The following PIGN variants were observed in gnomAD, a reference collection of about 807,000 sequenced individuals.
PIGN encodes phosphatidylinositol glycan anchor biosynthesis class N.
In PIGN, 117 loss-of-function variants were observed where a neutral mutation model predicts 125.4. The observed-to-expected ratio is 0.93, with a 90% CI of 0.80 to 1.09. PIGN has a LOEUF of 1.09. Among genes scored for constraint, PIGN ranks in the 50% least tolerant of loss-of-function variants. The probability of loss-of-function intolerance (pLI) is 0.00; values close to 1 mark genes in which losing one functional copy is unlikely to be tolerated. For synonymous variants in PIGN, 392 were observed against 377.8 expected, an observed-to-expected ratio of 1.04 and a Z score of -0.44; for missense variants, 1,075 against 1,094.9, an observed-to-expected ratio of 0.98 and a Z score of 0.26.
intron 28 of PIGN, chr18:62,075,089 T>G (rs561512601): frequency 3.5e-6 from 1 of 283,920 alleles, no homozygotes; most frequent in African/African-American, 2.2e-5. Flanking sequence ...ACTAAACTTT[T>G]GAGGTAATTG....
At chr18:62,090,439 G>T in intron 24 of PIGN, 37 bp downstream of exon 24, 1 of 1,212,120 alleles carries the variant, frequency 8.3e-7, no homozygotes, top group Non-Finnish European at 1.2e-6. Context: ...GAGACTAATA[G>T]TCTCAAATAA....
At position 62,062,882 on chromosome 18, in the gene PIGN, C is replaced by CTTTTTTT. The variant is rs71160811; in HGVS notation, c.2672+9784_2672+9790dup. On this transcript the variant is annotated intron_variant, in intron 30 of 30. Transcript: ENST00000640252. ...ATTTGTTTTATGCTTTTGTATTCTGCTTTTTTTTTTTTTTTTTTTTTTTTT... is the reference window on the plus strand; with the variant it reads ...ATTTGTTTTATGCTTTTGTATTCTGCTTTTTTTTTTTTTTTTTTTTTTTTTTTTTTTT... 5.2e-4 allele frequency among the ~76,000 whole-genome samples: 11 copies of CTTTTTTT among 21,062 alleles called. 1 individual carries two copies. Among genetic ancestry groups the CTTTTTTT allele is most frequent in the East Asian group, 1.6e-3 (1 of 618 alleles). 13.8% of individuals were successfully genotyped at this position (21,062 alleles called of 152,430 possible).
At chr18:62,023,724 C>A (rs916528012) in intron 23 of PIGN, among the ~76,000 whole-genome samples, 3 of 152,164 alleles carry the variant, frequency 2.0e-5, no homozygotes, top group African/African-American at 7.2e-5. Context: ...GATGAAATGT[C>A]ACATGGGAGA....
At chr18:62,181,154 T>A (rs747291180) in intron 1 of PIGN, among the ~76,000 whole-genome samples, 40 of 152,284 alleles carry the variant, frequency 2.6e-4, no homozygotes, top group Non-Finnish European at 4.9e-4. Context: ...AACCTTTACA[T>A]TCAAATCTTG....
At chr18:62,164,927 C>G (rs767783841) in intron 1 of PIGN, among the ~76,000 whole-genome samples, 5 of 152,066 alleles carry the variant, frequency 3.3e-5, no homozygotes, top group African/African-American at 9.7e-5. Context: ...AGTTGATAAT[C>G]GAGTTATACT....
At position 62,042,974 on chromosome 18, in the gene PIGN, CA is replaced by C. The variant is rs1199389399; in HGVS notation, c.*2881del. The C allele has an allele frequency of 6.6e-6, 1 of 150,526 alleles. No individual in the cohort carries two copies. Among genetic ancestry groups the C allele is most frequent in the East Asian group, 1.9e-4 (1 of 5,188 alleles). 9.3% of individuals were successfully genotyped at this position (150,526 alleles called of 1,614,324 possible). On this transcript the variant is annotated 3_prime_UTR_variant, in exon 31 of 31. Coordinates refer to ENST00000640252, the MANE Select transcript of PIGN (RefSeq NM_176787.5). ...CTTATACAGAAATGGGAAAATGCTA[CA>C]AAGATATTGCCATAGTACTGAAAGC...
intron 14 of PIGN, among the ~76,000 whole-genome samples, chr18:62,126,450 G>A (rs905817521): frequency 6.6e-6 from 1 of 152,098 alleles, no homozygotes; most frequent in Admixed American, 6.6e-5. Context: ...AAGAACTAGT[G>A]TAAACTATGA....
chr18:62,114,881 T>G (rs530191515), intron 14 of PIGN, among the ~76,000 whole-genome samples: 1 of 152,334 alleles, frequency 6.6e-6, no homozygotes, highest in South Asian at 2.1e-4. Context: ...GAAAGTCATA[T>G]AATCCATCAT....
intron 1 of PIGN, among the ~76,000 whole-genome samples, chr18:62,167,282 ATATATG>A (rs1352338281): frequency 8.3e-5 from 11 of 132,840 alleles, no homozygotes; most frequent in African/African-American, 4.0e-4. Context: ...ATATAGAGAT[ATATATG>A]TGTGTGTGTG....
At chr18:62,082,632 A>G (rs2033501441) in intron 28 of PIGN, 41 bp downstream of exon 28, 1 of 1,091,728 alleles carries the variant, frequency 9.2e-7, no homozygotes, top group East Asian at 2.6e-5. Flanking sequence ...CATCTCCTAA[A>G]AATAGGCAAA....
chr18:62,065,112 T>TTC (rs150052913), intron 30 of PIGN, among the ~76,000 whole-genome samples: 7 of 151,998 alleles, frequency 4.6e-5, no homozygotes, highest in East Asian at 1.9e-4. Flanking sequence ...TTCTTTTTCT[T>TTC]TCTCTCTCTC....
intron 23 of PIGN, among the ~76,000 whole-genome samples, chr18:62,019,472 G>A (rs1366490474): frequency 6.6e-6 from 1 of 152,180 alleles, no homozygotes; most frequent in African/African-American, 2.4e-5. Context: ...AAATTACCTG[G>A]GACTAGCTCT....
At chr18:62,179,578 T>C (rs1455994235) in intron 1 of PIGN, among the ~76,000 whole-genome samples, 1 of 152,206 alleles carries the variant, frequency 6.6e-6, no homozygotes, top group African/African-American at 2.4e-5. Flanking sequence ...ACCCCATCTC[T>C]ACAAAAAATG....
In PIGN at chr18:62,045,596, CAAAGGAAAAAAATG is replaced by C. The variant is rs1429453676; in HGVS notation, c.*246_*259del. 1 of 286,228 alleles carries C rather than the reference CAAAGGAAAAAAATG, an allele frequency of 3.5e-6. No individual in the cohort carries two copies. The highest frequency in any genetic ancestry group is 6.6e-6 in the Non-Finnish European group (1 of 150,788). The allele number at this position is 286,228 out of a possible 1,614,324, so 17.7% of individuals were successfully genotyped here. A position where few individuals can be genotyped will look rare whatever the true frequency, so the allele number is the denominator to read the frequency against. On this transcript the variant is annotated 3_prime_UTR_variant, in exon 31 of 31. Transcript: ENST00000640252. The stretch of plus-strand genomic sequence containing the variant: ...AACATCACTGGGAAGAGCTGCCAGC[CAAAGGAAAAAAATG>C]AAAAAGGAGAATGCCTTCCTATGCT...
At chr18:62,125,643 G>A (rs905337776) in intron 14 of PIGN, among the ~76,000 whole-genome samples, 4 of 151,932 alleles carry the variant, frequency 2.6e-5, no homozygotes, top group African/African-American at 9.7e-5. Flanking sequence ...TACTACAACA[G>A]CATTTTGTGT....
At position 62,085,149 on chromosome 18, in the gene PIGN, G is replaced by C. The variant is rs1464434946; in HGVS notation, c.2426+60C>G. The C allele has an allele frequency of 2.4e-5, 22 of 910,120 alleles. No homozygotes were observed. The East Asian group carries it at 5.5e-4, about 23-fold the overall frequency. The allele number at this position is 910,120 out of a possible 1,614,324, so 56.4% of individuals were successfully genotyped here. A position where few individuals can be genotyped will look rare whatever the true frequency, so the allele number is the denominator to read the frequency against. On this transcript the variant is annotated intron_variant, in intron 26 of 30. Coordinates refer to ENST00000640252, the MANE Select transcript of PIGN (RefSeq NM_176787.5). ...AATAAGGTACAGAACAAAAGGTATAGAAGTCCCAGGTTGCATTATTTTTTA... is the reference window on the plus strand; with the variant it reads ...AATAAGGTACAGAACAAAAGGTATACAAGTCCCAGGTTGCATTATTTTTTA...
rs1322653337 is a variant in PIGN at position 62,084,618 on chromosome 18, T to C, written c.2427-12A>G. The C allele has an allele frequency of 2.6e-6, 4 of 1,514,940 alleles. No individual in the cohort carries two copies. The highest frequency in any genetic ancestry group is 3.6e-6 in the Non-Finnish European group (4 of 1,112,762). The allele number at this position is 1,514,940 out of a possible 1,614,324, so 93.8% of individuals were successfully genotyped here. A position where few individuals can be genotyped will look rare whatever the true frequency, so the allele number is the denominator to read the frequency against. On this transcript the variant is annotated splice_polypyrimidine_tract_variant and intron_variant, in intron 26 of 30. Transcript: ENST00000640252. ...AGGCAAGATCAAAGCTAGGGAATTA[T>C]AACAAGGAAAAAGAATTTAGAATTC...
chr18:62,150,243 C>G (rs1414886506), intron 7 of PIGN, among the ~76,000 whole-genome samples: 2 of 152,210 alleles, frequency 1.3e-5, no homozygotes, highest in Admixed American at 1.3e-4. Context: ...CTCGGCCTCC[C>G]AAAGTGCTGG....
intron 28 of PIGN, among the ~76,000 whole-genome samples, chr18:62,076,201 G>A (rs555131598): frequency 1.3e-5 from 2 of 152,272 alleles, no homozygotes; most frequent in South Asian, 4.2e-4. Context: ...CCAAAGTGCT[G>A]GGATTACAGG....
Sources: allele counts gnomAD v4.1 joint callset (sites outside exome capture counted in the v4.1 genomes callset), GRCh38; gene constraint gnomAD v4.1.1; transcripts MANE v1.5; gene names NCBI Gene and HGNC (gene_info 2026-07-23, HGNC 2026-07-21).